The following AKNAD1 variants were observed in gnomAD, a reference collection of about 807,000 sequenced individuals.
AKNAD1 encodes the protein AKNA domain containing 1, also known as protein AKNAD1.
A neutral mutation model predicts 90.8 loss-of-function variants in AKNAD1; 67 were observed. The observed-to-expected ratio is 0.74, with a 90% CI of 0.61 to 0.90. The LOEUF (loss-of-function observed/expected upper bound fraction) is 0.90, where lower values mean the gene tolerates loss of function less well. Among genes scored for constraint, AKNAD1 ranks in the 40% least tolerant of loss-of-function variants. The pLI is 0.00. For synonymous variants in AKNAD1, 327 were observed against 341.4 expected (o/e 0.96, Z 0.46); for missense variants, 957 against 975.4 (o/e 0.98, Z 0.25).
intron 14 of AKNAD1, chr1:108,817,406 T>C: frequency 2.6e-6 from 1 of 380,860 alleles, no homozygotes. Context: ...ATTGATCTCC[T>C]TTTCCTCTAG....
intron 11 of AKNAD1, 136 bp downstream of exon 11, chr1:108,827,069 A>T (rs1181677950): frequency 1.5e-6 from 1 of 684,714 alleles, no homozygotes; most frequent in African/African-American, 1.8e-5. Context: ...TTGCAAATAA[A>T]TAAATACAAC....
chr1:108,816,955 A>G (rs1663631538), intron 15 of AKNAD1, 93 bp downstream of exon 15: 1 of 1,460,108 alleles, frequency 6.8e-7, no homozygotes, highest in African/African-American at 1.4e-5. Flanking sequence ...TGAAGCTCTG[A>G]TACTGTAATA....
intron 1 of AKNAD1, among the ~76,000 whole-genome samples, chr1:108,855,115 A>C (rs1664991817): frequency 6.6e-6 from 1 of 152,212 alleles, no homozygotes; most frequent in Non-Finnish European, 1.5e-5. Flanking sequence ...GGAATTGCAT[A>C]TGTAAAACAT....
chr1:108,817,019 G>T (rs1315934339), intron 15 of AKNAD1, 29 bp downstream of exon 15: 1 of 1,612,340 alleles, frequency 6.2e-7, no homozygotes, highest in East Asian at 2.2e-5. Context: ...GAGCTGCAAT[G>T]CTTCTCGAAT....
At chr1:108,833,988 A>G (rs1664293170) in intron 9 of AKNAD1, among the ~76,000 whole-genome samples, 2 of 152,074 alleles carry the variant, frequency 1.3e-5, no homozygotes, top group Admixed American at 6.6e-5. Context: ...TAATATTATA[A>G]TATAATATCA....
At chr1:108,844,377 C>CATATATATATATATATATATAT (rs35559697) in intron 5 of AKNAD1, among the ~76,000 whole-genome samples, 88 of 145,090 alleles carry the variant, frequency 6.1e-4, no homozygotes, top group Middle Eastern at 3.7e-3. Context: ...TCTCTCTCTC[C>CATATATATATATATATATATAT]ATATATATAT....
rs368571761 is a variant in AKNAD1, at chr1:108,852,681, C to T, written c.-17G>A. 2.6e-6 allele frequency: 4 copies of T among 1,539,536 alleles called. No individual in the cohort carries two copies. The highest frequency in any genetic ancestry group is 3.5e-6 in the Non-Finnish European group (4 of 1,148,476). On this transcript the variant is annotated 5_prime_UTR_variant, in exon 2 of 16. Coordinates refer to ENST00000370001, the MANE Select transcript of AKNAD1 (RefSeq NM_152763.5). ...CTCATCCATGTGTGTGCAGCCCGATCGCTCTCGTCCTCTGCCTCCTGAGCT... is the reference window on the plus strand; with the variant it reads ...CTCATCCATGTGTGTGCAGCCCGATTGCTCTCGTCCTCTGCCTCCTGAGCT...
intron 6 of AKNAD1, among the ~76,000 whole-genome samples, chr1:108,841,744 C>T (rs1000610319): frequency 3.3e-5 from 5 of 152,134 alleles, no homozygotes; most frequent in African/African-American, 1.2e-4. Context: ...TTCCTTGTCA[C>T]ATTATGCCCA....
chr1:108,841,974 G>A (rs1361143653), intron 6 of AKNAD1, among the ~76,000 whole-genome samples: 2 of 152,112 alleles, frequency 1.3e-5, no homozygotes, highest in Admixed American at 6.6e-5. Context: ...AATAACTTTG[G>A]TCTTAATGTG....
chr1:108,853,574 C>A (rs1038890920), intron 1 of AKNAD1, among the ~76,000 whole-genome samples: 2 of 152,210 alleles, frequency 1.3e-5, no homozygotes, highest in African/African-American at 4.8e-5. Flanking sequence ...TCCCTCCAGA[C>A]CTTCTGGTCC....
rs200066791 is a variant in AKNAD1 at position 108,834,537 on chromosome 1, A to T, written c.1665-9T>A. ...AATGACCGTTTAGGTAACTAATTTA[A>T]AAAAAAAAAAAGCAGTTTGAATGTT... On this transcript the variant is annotated splice_polypyrimidine_tract_variant and intron_variant, in intron 8 of 15. Transcript: ENST00000370001. 40 of 473,970 alleles carry T rather than the reference A, an allele frequency of 8.4e-5. No individual in the cohort carries two copies. The highest frequency in any genetic ancestry group is 8.3e-4 in the South Asian group (18 of 21,584). 29.4% of individuals were successfully genotyped at this position (473,970 alleles called of 1,614,324 possible).
upstream of AKNAD1, chr1:108,858,154 A>G (rs1403886884): frequency 6.5e-6 from 1 of 152,710 alleles, no homozygotes; most frequent in Non-Finnish European, 1.5e-5. Flanking sequence ...CTTTTTTTCA[A>G]CAGTTGGAAG....
intron 11 of AKNAD1, among the ~76,000 whole-genome samples, chr1:108,826,991 C>T (rs895607902): frequency 1.3e-5 from 2 of 151,500 alleles, no homozygotes; most frequent in Non-Finnish European, 2.9e-5. Context: ...ATCCACCCGC[C>T]TCAGCCTCCC....
chr1:108,826,290 C>T (rs1290558824), intron 11 of AKNAD1, among the ~76,000 whole-genome samples: 1 of 151,606 alleles, frequency 6.6e-6, no homozygotes, highest in African/African-American at 2.4e-5. Flanking sequence ...GTGCAGCTTC[C>T]TGGTGCATAA....
intron 6 of AKNAD1, among the ~76,000 whole-genome samples, chr1:108,842,494 T>C (rs1348021471): frequency 6.6e-6 from 1 of 152,252 alleles, no homozygotes; most frequent in South Asian, 2.1e-4. Flanking sequence ...TTGGAGTGTG[T>C]GTTCAAGATT....
At chr1:108,839,996 C>T (rs1305674028) in intron 6 of AKNAD1, among the ~76,000 whole-genome samples, 1 of 148,120 alleles carries the variant, frequency 6.8e-6, no homozygotes, top group East Asian at 2.0e-4. Flanking sequence ...TGCATTCCAG[C>T]CTGGACAAGA....
chr1:108,841,127 C>T (rs567406178), intron 6 of AKNAD1, among the ~76,000 whole-genome samples: 4 of 151,960 alleles, frequency 2.6e-5, no homozygotes, highest in East Asian at 3.9e-4. Flanking sequence ...GAGCCGAGAT[C>T]GCGCCACTGC....
At chr1:108,847,437 G>C (rs1421171192) in intron 5 of AKNAD1, among the ~76,000 whole-genome samples, 1 of 145,928 alleles carries the variant, frequency 6.9e-6, no homozygotes, top group Non-Finnish European at 1.5e-5. Flanking sequence ...GACAGAATGA[G>C]ACCGTGTCTC....
chr1:108,816,247 G>C lies in AKNAD1; in HGVS notation c.2435C>G (p.Thr812Ser). ...ALRTATILKE[T>S]TDQMIKTIAE... Reference sequence around the variant, plus strand: ...AATCGTTTTAATCATTTGATCTGTAGTTTCTTTCAAAATGGTTGCTGTCCT... The same window carrying C: ...AATCGTTTTAATCATTTGATCTGTACTTTCTTTCAAAATGGTTGCTGTCCT... The change falls in exon 16 of 16, where the codon ACT (threonine) becomes AGT (serine). Residue 812 changes from threonine (T) to serine (S), a missense_variant. Thr to Ser is a moderately conservative substitution (Grantham distance 58). Transcript: ENST00000370001. 6.2e-7 allele frequency: 1 copy of C among 1,613,740 alleles called. No homozygotes were observed. The highest frequency in any genetic ancestry group is 8.5e-7 in the Non-Finnish European group (1 of 1,179,868).
Sources: allele counts gnomAD v4.1 joint callset (sites outside exome capture counted in the v4.1 genomes callset), GRCh38; gene constraint gnomAD v4.1.1; transcripts MANE v1.5; gene names NCBI Gene and HGNC (gene_info 2026-07-23, HGNC 2026-07-21).